Variants in SSH1 observed in about 807,000 individuals in gnomAD.
SSH1 encodes protein phosphatase Slingshot homolog 1.
A neutral mutation model predicts 79.7 loss-of-function variants in SSH1; 43 were observed. The observed-to-expected ratio is 0.54, with a 90% CI of 0.42 to 0.70. SSH1 has a LOEUF of 0.70. Ranked by LOEUF, SSH1 falls within the 30% of genes least tolerant of loss-of-function variation. The pLI, the probability that SSH1 is intolerant of heterozygous loss-of-function variation, is 0.00. For missense variants in SSH1, 1,206 were observed against 1,358.8 expected (o/e 0.89, Z 1.77); for synonymous variants, 599 against 538.3 (o/e 1.11, Z -1.56).
At chr12:108,838,123 G>A (rs530982149) in intron 2 of SSH1, among the ~76,000 whole-genome samples, 15 of 152,252 alleles carry the variant, frequency 9.9e-5, no homozygotes, top group Admixed American at 3.9e-4. Flanking sequence ...CACTTAATTC[G>A]ATTTTGGTAA....
At chr12:108,838,006 A>G (rs1379827939) in intron 2 of SSH1, among the ~76,000 whole-genome samples, 1 of 151,832 alleles carries the variant, frequency 6.6e-6, no homozygotes, top group East Asian at 1.9e-4. Context: ...CTGGTACTGA[A>G]CTCCTAGGCT....
Position 108,800,937 on chromosome 12 carries a change from A to T in SSH1, c.1002-11T>A. On this transcript the variant is annotated splice_polypyrimidine_tract_variant and intron_variant, in intron 11 of 14. Transcript: ENST00000326495. The stretch of plus-strand genomic sequence containing the variant: ...AAAATGTAATCAACCCTGCAATGAG[A>T]AAAAAATAAGAAACAAATTTGGACA... The T allele has an allele frequency of 1.2e-6, 2 of 1,611,736 alleles. No individual in the cohort carries two copies. Among genetic ancestry groups the T allele is most frequent in the Non-Finnish European group, 1.7e-6 (2 of 1,178,768 alleles).
chr12:108,810,839 C>T (rs2037551297), intron 6 of SSH1, among the ~76,000 whole-genome samples: 1 of 152,228 alleles, frequency 6.6e-6, no homozygotes, highest in Non-Finnish European at 1.5e-5. Context: ...CGCTTGAAAC[C>T]TTGTTGTGCC....
chr12:108,794,954 A>G (rs1318605129), intron 13 of SSH1, among the ~76,000 whole-genome samples: 1 of 152,052 alleles, frequency 6.6e-6, no homozygotes, highest in Admixed American at 6.6e-5. Context: ...CCTCTGCTCT[A>G]TTGTCTATGT....
intron 7 of SSH1, among the ~76,000 whole-genome samples, chr12:108,808,311 G>A (rs1940649285): frequency 6.6e-6 from 1 of 152,226 alleles, no homozygotes; most frequent in African/African-American, 2.4e-5. Flanking sequence ...AATGCATATA[G>A]CCTGAAACAT....
intron 11 of SSH1, 23 bp downstream of exon 11, chr12:108,802,298 GA>G: frequency 6.2e-7 from 1 of 1,612,210 alleles, no homozygotes; most frequent in African/African-American, 1.3e-5. Flanking sequence ...GAAGGACAGG[GA>G]AAGACAAGGG....
In SSH1 at chr12:108,787,871, G is replaced by T; in HGVS notation, c.*117C>A. The T allele has an allele frequency of 1.5e-6, 2 of 1,331,890 alleles. No homozygotes were observed. Among genetic ancestry groups the T allele is most frequent in the East Asian group, 2.4e-5 (1 of 41,674 alleles). The allele number at this position is 1,331,890 out of a possible 1,614,324, so 82.5% of individuals were successfully genotyped here. ...ATGGCAAGAGTAGGGGAAAAGTTAGGATGACTTCACTCGTTTAAGGGAAAT... is the reference window on the plus strand; with the variant it reads ...ATGGCAAGAGTAGGGGAAAAGTTAGTATGACTTCACTCGTTTAAGGGAAAT... On this transcript the variant is annotated 3_prime_UTR_variant, in exon 15 of 15. Coordinates refer to ENST00000326495, the MANE Select transcript of SSH1 (RefSeq NM_018984.4).
chr12:108,795,546 A>G (rs930356912), intron 13 of SSH1, among the ~76,000 whole-genome samples: 2 of 146,596 alleles, frequency 1.4e-5, no homozygotes, highest in Non-Finnish European at 3.0e-5. Flanking sequence ...CTGACCCTCA[A>G]TTTTTTTTTT....
intron 2 of SSH1, chr12:108,827,164 G>A (rs1213880537): frequency 4.5e-5 from 52 of 1,168,522 alleles, no homozygotes; most frequent in Admixed American, 1.4e-4. Context: ...CTCAATCAAT[G>A]CTCCTCAAAA....
chr12:108,816,053 C>T (rs1330043950), intron 5 of SSH1, among the ~76,000 whole-genome samples: 1 of 152,202 alleles, frequency 6.6e-6, no homozygotes, highest in Non-Finnish European at 1.5e-5. Context: ...TGCTCCGCCT[C>T]CACCCTAGAG....
Position 108,785,824 on chromosome 12 carries a change from C to T in SSH1, c.*2164G>A, listed in dbSNP as rs920834261. On this transcript the variant is annotated 3_prime_UTR_variant, in exon 15 of 15. Transcript: ENST00000326495. Reference sequence around the variant, plus strand: ...TTATTTTGACACAAAAATTGATCTACCACATGAAATTTGATTTGGCAAAAC... The same window carrying T: ...TTATTTTGACACAAAAATTGATCTATCACATGAAATTTGATTTGGCAAAAC... The T allele has an allele frequency of 6.6e-6, 1 of 152,134 alleles. No homozygotes were observed. Among genetic ancestry groups the T allele is most frequent in the African/African-American group, 2.4e-5 (1 of 41,410 alleles). The allele number at this position is 152,134 out of a possible 1,614,324, so 9.4% of individuals were successfully genotyped here. A position where few individuals can be genotyped will look rare whatever the true frequency, so the allele number is the denominator to read the frequency against.
chr12:108,813,829 G>A (rs1173778571), intron 5 of SSH1, among the ~76,000 whole-genome samples: 3 of 151,524 alleles, frequency 2.0e-5, no homozygotes, highest in African/African-American at 7.3e-5. Flanking sequence ...AAGGGGATAG[G>A]GAAAACAGGA....
chr12:108,857,290 T>C lies in SSH1; in HGVS notation c.69+138A>G. On this transcript the variant is annotated intron_variant, in intron 1 of 14. Coordinates refer to ENST00000326495, the MANE Select transcript of SSH1 (RefSeq NM_018984.4). This position sits in a 1 kb window ranked among gnomAD's most constrained non-coding sequence, Gnocchi z 4.7. ...CCTCGCACGGTCACCCCGGTCCGGCTGCCCGGCTCTGTTCCTACGGCGGGG... is the reference window on the plus strand; with the variant it reads ...CCTCGCACGGTCACCCCGGTCCGGCCGCCCGGCTCTGTTCCTACGGCGGGG... 1 of 305,682 alleles carries C rather than the reference T, an allele frequency of 3.3e-6. No homozygotes were observed. The highest frequency in any genetic ancestry group is 4.8e-6 in the Non-Finnish European group (1 of 208,506). 18.9% of individuals were successfully genotyped at this position (305,682 alleles called of 1,614,324 possible).
At position 108,823,273 on chromosome 12, in the gene SSH1, G is replaced by A. The variant is rs776747076; in HGVS notation, c.199C>T (p.Pro67Ser). Residue 67 changes from proline to serine, a missense_variant, in exon 3 of 15, where the codon CCC (proline) becomes TCC (serine). Around this residue, in one of 5 missense-constraint regions of SSH1, gnomAD observed 100 missense variants for 82.3 expected, o/e 1.21. Coordinates refer to ENST00000326495, the MANE Select transcript of SSH1 (RefSeq NM_018984.4). ...SPQGQRSLQHPHKHAGDLPQH... is the reference protein window; with the variant it reads ...SPQGQRSLQHSHKHAGDLPQH... ...GAGCCCTCACCTGCATGCTTGTGGG[G>A]GTGCTGAAGACTCCGCTGGCCTTGA... 4.4e-6 allele frequency: 7 copies of A among 1,586,668 alleles called. No homozygotes were observed. Among genetic ancestry groups the A allele is most frequent in the Non-Finnish European group, 6.0e-6 (7 of 1,165,274 alleles).
intron 3 of SSH1, among the ~76,000 whole-genome samples, chr12:108,820,097 C>T (rs558771143): frequency 4.0e-4 from 61 of 151,846 alleles, no homozygotes; most frequent in African/African-American, 1.4e-3. Flanking sequence ...AGGCTGGTCT[C>T]GAACTCCTGG....
At chr12:108,804,720 G>C (rs186130871) in intron 10 of SSH1, among the ~76,000 whole-genome samples, 7 of 152,316 alleles carry the variant, frequency 4.6e-5, no homozygotes, top group Admixed American at 4.6e-4. Context: ...AAACCACTTG[G>C]AAGTAACTGG....
chr12:108,804,200 C>T (rs1286949017), intron 10 of SSH1, among the ~76,000 whole-genome samples: 1 of 152,214 alleles, frequency 6.6e-6, no homozygotes, highest in Non-Finnish European at 1.5e-5. Flanking sequence ...GGACTACAGG[C>T]ATAAGCCACT....
intron 7 of SSH1, among the ~76,000 whole-genome samples, chr12:108,808,088 C>T (rs1302722409): frequency 1.3e-5 from 2 of 152,172 alleles, no homozygotes; most frequent in Non-Finnish European, 2.9e-5. Context: ...CAGGCGCCCA[C>T]CACCACGCCC....
chr12:108,827,758 A>C (rs1463929087), intron 2 of SSH1, among the ~76,000 whole-genome samples: 3 of 152,192 alleles, frequency 2.0e-5, no homozygotes, highest in African/African-American at 7.2e-5. Context: ...CAACATTCTG[A>C]AGGATGACTC....
Sources: allele counts gnomAD v4.1 joint callset (sites outside exome capture counted in the v4.1 genomes callset), GRCh38; gene constraint gnomAD v4.1.1; regional missense constraint gnomAD v4.1.1; non-coding constraint Gnocchi (gnomAD v3.1); transcripts MANE v1.5; gene names NCBI Gene and HGNC (gene_info 2026-07-23, HGNC 2026-07-21).